CHTF18: variants seen among roughly 807,000 people sequenced by gnomAD.
The protein encoded by CHTF18 is chromosome transmission fidelity protein 18 homolog.
CHTF18 carries 151 observed loss-of-function variants against 113.4 expected under a neutral mutation model. The ratio of observed to expected loss-of-function variants is 1.33; its 90% CI spans 1.17 to 1.52. CHTF18 has a LOEUF of 1.52. Among genes scored for constraint, CHTF18 ranks in the 40% most tolerant of loss-of-function variants. The pLI, the probability that CHTF18 is intolerant of heterozygous loss-of-function variation, is 0.00. For synonymous variants in CHTF18, 916 were observed against 598.8 expected, an observed-to-expected ratio of 1.53 and a Z score of -7.74; for missense variants, 1,982 against 1,381.6, an observed-to-expected ratio of 1.43 and a Z score of -6.89.
chr16:791,265 G>A lies in CHTF18; in HGVS notation c.999G>A (p.Arg333=), dbSNP rs754758324. The A allele has an allele frequency of 5.0e-6, 8 of 1,610,682 alleles. No individual in the cohort carries two copies. The Admixed American group carries it at 1.3e-4, about 27-fold the overall frequency. The change falls in exon 8 of 22, where the codon CGG becomes CGA. Residue 333 remains arginine (R), a synonymous_variant. Coordinates refer to ENST00000262315, the MANE Select transcript of CHTF18 (RefSeq NM_022092.3). ...CCAGGCCCAGTGTTGAGCCGGCCCG[G>A]GTCAGCAAGGAGGCCACAGCCCCAG... ...RKPRPSVEPA[R]VSKEATAPGK... is the part of the protein sequence containing the mutation.
intron 7 of CHTF18, 70 bp downstream of exon 7, chr16:790,736 T>G: frequency 1.4e-6 from 2 of 1,459,624 alleles, no homozygotes; most frequent in Non-Finnish European, 1.8e-6. Flanking sequence ...CTGGGCCCAG[T>G]GATTTTTGCA....
chr16:796,175 T>C, intron 18 of CHTF18, 98 bp downstream of exon 18: 1 of 1,469,852 alleles, frequency 6.8e-7, no homozygotes, highest in Non-Finnish European at 9.1e-7. Context: ...GAAAGCACGG[T>C]CATGGCGTCT....
At chr16:789,924 G>C in intron 4 of CHTF18, 1 of 1,485,480 alleles carries the variant, frequency 6.7e-7, no homozygotes, top group South Asian at 1.2e-5. Flanking sequence ...TATGGCCTCG[G>C]GTGGAGAGGG....
rs979662545 is a variant in CHTF18, at chr16:798,037, G to A, written c.*62G>A. On this transcript the variant is annotated 3_prime_UTR_variant, in exon 22 of 22. Transcript: ENST00000262315. ...CGCAGAGTGCAGAGACAGGAAGCTG[G>A]AGATGTCTTTATAAAGTCACACCTT... The A allele has an allele frequency of 6.4e-6, 10 of 1,555,672 alleles. No individual in the cohort carries two copies. The highest frequency in any genetic ancestry group is 5.3e-5 in the Admixed American group (3 of 56,140).
intron 7 of CHTF18, 59 bp from the exon 8 acceptor site, chr16:791,102 C>CT (rs767182487): frequency 6.5e-6 from 10 of 1,549,140 alleles, no homozygotes; most frequent in Non-Finnish European, 8.7e-6. Flanking sequence ...GGCAGGTGGA[C>CT]TGTCCGTGCC....
At chr16:790,857 A>G in intron 7 of CHTF18, 191 bp downstream of exon 7, 1 of 1,430,994 alleles carries the variant, frequency 7.0e-7, no homozygotes. Context: ...GTGACCTGTG[A>G]GGCAGGCTAG....
chr16:795,230 G>C lies in CHTF18; in HGVS notation c.2049G>C (p.Ala683=), dbSNP rs375988870. ...LDWLAFDDLL[A]GAAHHSQSFQ... is the part of the protein sequence containing the mutation. ...GGCTGGCCTTCGATGACCTGCTGGC[G>C]GGGGCTGCTCATCACAGCCAGAGCT... Residue 683 remains alanine, a synonymous_variant, in exon 16 of 22, where the codon GCG becomes GCC. Coordinates refer to ENST00000262315, the MANE Select transcript of CHTF18 (RefSeq NM_022092.3). The C allele has an allele frequency of 3.2e-6, 5 of 1,550,946 alleles. No homozygotes were observed. The highest frequency in any genetic ancestry group is 3.5e-6 in the Non-Finnish European group (4 of 1,147,746).
At chr16:797,411 C>T (rs943886213) in intron 20 of CHTF18, among the ~76,000 whole-genome samples, 2 of 152,084 alleles carry the variant, frequency 1.3e-5, no homozygotes, top group Non-Finnish European at 2.9e-5. Context: ...AAGGGGGGCT[C>T]TGAAGGACCA....
rs1054400400 is a variant in CHTF18, at chr16:797,859, G to T, written c.2812G>T (p.Asp938Tyr). ...CGCAGGGGACACGGCCCCGGAGCAG[G>T]ACTCAGTGGAGCGGCGCATGGGCAC... ...PSAGDTAPEQ[D>Y]SVERRMGTAV... The change falls in exon 22 of 22, where the codon GAC (aspartate) becomes TAC (tyrosine). Residue 938 changes from aspartate to tyrosine, a missense_variant. Asp to Tyr is a radical substitution (Grantham distance 160, BLOSUM62 -3). Transcript: ENST00000262315. The T allele has an allele frequency of 6.2e-6, 10 of 1,607,700 alleles. No individual in the cohort carries two copies. The East Asian group carries it at 1.1e-4, about 18-fold the overall frequency.
Position 789,239 on chromosome 16 carries a change from G to A in CHTF18, c.316G>A (p.Val106Met), listed in dbSNP as rs912090633. The A allele has an allele frequency of 4.0e-5, 62 of 1,554,556 alleles. No individual in the cohort carries two copies. Among genetic ancestry groups the A allele is most frequent in the Non-Finnish European group, 5.4e-5 (62 of 1,149,726 alleles). Residue 106 changes from valine to methionine, a missense_variant, in exon 3 of 22, where the codon GTG becomes ATG. Coordinates refer to ENST00000262315, the MANE Select transcript of CHTF18 (RefSeq NM_022092.3). ...APRIKRPRLQ[V>M]VKRLNFRSEE... ...CAGGATCAAACGGCCTAGGCTGCAGGTGGTCAAGAGGCTGAACTTCAGATC... is the reference window on the plus strand; with the variant it reads ...CAGGATCAAACGGCCTAGGCTGCAGATGGTCAAGAGGCTGAACTTCAGATC...
rs1049694944 is a variant in CHTF18 at position 794,260 on chromosome 16, C to T, written c.1950+59C>T. Reference sequence around the variant, plus strand: ...CCGCCTGGCTAGGACCTGGGCTGTGCCCCTGCCCCTGCCGGTCCTCCCGTA... The same window carrying T: ...CCGCCTGGCTAGGACCTGGGCTGTGTCCCTGCCCCTGCCGGTCCTCCCGTA... On this transcript the variant is annotated intron_variant, in intron 15 of 21. Transcript: ENST00000262315. 11 of 1,563,944 alleles carry T rather than the reference C, an allele frequency of 7.0e-6. No homozygotes were observed. In the African/African-American group the frequency reaches 1.5e-4, roughly 21 times the overall value.
intron 15 of CHTF18, 126 bp downstream of exon 15, chr16:794,327 C>A (rs979781252): frequency 1.8e-6 from 2 of 1,130,100 alleles, no homozygotes; most frequent in East Asian, 2.6e-5. Flanking sequence ...GAGGCAGGTT[C>A]GGGAAATGGG....
rs1358338759 is a variant in CHTF18 at position 797,032 on chromosome 16, C to T, written c.2673C>T (p.Ala891=). The T allele has an allele frequency of 5.8e-6, 9 of 1,560,698 alleles. No homozygotes were observed. Among genetic ancestry groups the T allele is most frequent in the South Asian group, 2.4e-5 (2 of 83,208 alleles). The change falls in exon 20 of 22, where the codon GCC becomes GCT. Residue 891 remains alanine, a synonymous_variant. Transcript: ENST00000262315. ...GIGEKGVHRP[A]PRNHEQRLEH... ...GGGAGAAAGGGGTGCACCGACCTGC[C>T]CCACGCAACCATGAGCAGCGGCTGG...
intron 7 of CHTF18, chr16:790,934 A>T (rs948682963): frequency 7.0e-7 from 1 of 1,432,880 alleles, no homozygotes; most frequent in South Asian, 1.5e-5. Context: ...CTGACACTGG[A>T]GTGCCCCTGG....
chr16:792,609 G>T lies in CHTF18; in HGVS notation c.1478+19G>T. 1 of 1,591,322 alleles carries T rather than the reference G, an allele frequency of 6.3e-7. No individual in the cohort carries two copies. Among genetic ancestry groups the T allele is most frequent in the South Asian group, 1.1e-5 (1 of 89,628 alleles). ...ATGACCAGTGAGTGCATGGGCGGGC[G>T]CCACAGTCAGGAGAGGCTCTGGTGC... On this transcript the variant is annotated intron_variant, in intron 11 of 21. Transcript: ENST00000262315.
chr16:790,327 C>G lies in CHTF18; in HGVS notation c.700-20C>G, dbSNP rs370733302. The G allele has an allele frequency of 1.1e-5, 18 of 1,612,168 alleles. No individual in the cohort carries two copies. The highest frequency in any genetic ancestry group is 1.5e-5 in the Non-Finnish European group (18 of 1,179,756). ...CGGGGCCGCCTGAGCCCTCCTGATT[C>G]CAGCCTGTTGTTTGCACAGCGGCGG... On this transcript the variant is annotated intron_variant, in intron 5 of 21. Coordinates refer to ENST00000262315, the MANE Select transcript of CHTF18 (RefSeq NM_022092.3).
intron 17 of CHTF18, 31 bp from the exon 18 acceptor site, chr16:795,916 A>C (rs1259006844): frequency 6.2e-7 from 1 of 1,602,002 alleles, no homozygotes; most frequent in East Asian, 2.2e-5. Flanking sequence ...CAGCCTGCTC[A>C]GCTCCCTGTC....
Position 797,143 on chromosome 16 carries a change from G to C in CHTF18, c.2733+51G>C, listed in dbSNP as rs1201635888. 2.0e-6 allele frequency: 3 copies of C among 1,469,288 alleles called. No homozygotes were observed. In the African/African-American group the frequency reaches 4.3e-5, roughly 21 times the overall value. The allele number at this position is 1,469,288 out of a possible 1,614,324, so 91.0% of individuals were successfully genotyped here. Reference sequence around the variant, plus strand: ...GGGACCAGGGTACATACCTTTGGGGGTGTGGCTAGGGCAGTCATGAGGCGG... The same window carrying C: ...GGGACCAGGGTACATACCTTTGGGGCTGTGGCTAGGGCAGTCATGAGGCGG... On this transcript the variant is annotated intron_variant, in intron 20 of 21. Coordinates refer to ENST00000262315, the MANE Select transcript of CHTF18 (RefSeq NM_022092.3).
chr16:791,168 A>G lies in CHTF18; in HGVS notation c.902A>G (p.Asn301Ser), dbSNP rs544258068. The G allele has an allele frequency of 1.2e-6, 2 of 1,610,532 alleles. No individual in the cohort carries two copies. The highest frequency in any genetic ancestry group is 2.2e-5 in the South Asian group (2 of 90,582). Reference sequence around the variant, plus strand: ...TTCCCGTCCTTCCCGCAGTTCACCAACCGCTGCCTGCTCAAGTGGCTGAAG... The same window carrying G: ...TTCCCGTCCTTCCCGCAGTTCACCAGCCGCTGCCTGCTCAAGTGGCTGAAG... ...YTELLSDDFTNRCLLKWLKLW... is the reference protein window; with the variant it reads ...YTELLSDDFTSRCLLKWLKLW... The change falls in exon 8 of 22, where the codon AAC (asparagine) becomes AGC (serine). Residue 301 changes from asparagine to serine, a missense_variant. By Grantham distance (46) the Asn-to-Ser change is conservative (BLOSUM62 1). Transcript: ENST00000262315.
Sources: gnomAD v4.1 joint callset for allele counts (sites outside exome capture counted in the v4.1 genomes callset) on GRCh38, gnomAD v4.1.1 for gene constraint, MANE v1.5 for transcripts, NCBI Gene and HGNC (gene_info 2026-07-23, HGNC 2026-07-21) for gene names.